The following HDAC9 variants were observed in gnomAD, a reference collection of about 807,000 sequenced individuals.
HDAC9 encodes the protein MEF-2 interacting transcription repressor (MITR) protein.
HDAC9 carries 41 observed loss-of-function variants against 139.4 expected under a neutral mutation model. The ratio of observed to expected loss-of-function variants is 0.29; its 90% CI spans 0.23 to 0.38. HDAC9 has a LOEUF of 0.38. Ranked by LOEUF, HDAC9 falls within the 10% of genes least tolerant of loss-of-function variation. HDAC9 has a pLI of 1.00. For missense variants in HDAC9, 1,147 were observed against 1,297.0 expected (o/e 0.88, Z 1.78); for synonymous variants, 517 against 476.2 (o/e 1.09, Z -1.12).
intron 6 of HDAC9, among the ~76,000 whole-genome samples, chr7:18,611,194 C>T (rs1837026523): frequency 6.6e-6 from 1 of 152,030 alleles, no homozygotes; most frequent in South Asian, 2.1e-4. Flanking sequence ...TGATGTTTAA[C>T]CTACTTTAGA....
chr7:18,252,075 C>T (rs184514920), intron 2 of HDAC9, among the ~76,000 whole-genome samples: 1 of 152,152 alleles, frequency 6.6e-6, no homozygotes, highest in African/African-American at 2.4e-5. Context: ...GAGCATGCAG[C>T]ATTTACTGTC....
chr7:18,242,960 AGTGCTCTACTTCTGGAAAAACAAATATT>A (rs1360174213), intron 2 of HDAC9, among the ~76,000 whole-genome samples: 3 of 152,216 alleles, frequency 2.0e-5, no homozygotes, highest in Non-Finnish European at 4.4e-5. Context: ...ATAGATACTG[AGTGCTCTACTTCTGGAAAAACAAATATT>A]TTGTTTTAGC....
intron 21 of HDAC9, among the ~76,000 whole-genome samples, chr7:18,838,596 A>G (rs547206095): frequency 1.3e-3 from 201 of 152,218 alleles, no homozygotes; most frequent in Middle Eastern, 6.8e-3. Flanking sequence ...CTCCTTTGTC[A>G]ATTTGGGCTT....
At chr7:18,953,129 A>G (rs1427728482) in intron 23 of HDAC9, among the ~76,000 whole-genome samples, 1 of 152,048 alleles carries the variant, frequency 6.6e-6, no homozygotes, top group Non-Finnish European at 1.5e-5. Flanking sequence ...AGAGACATAG[A>G]TGAGTTCATG....
chr7:18,342,014 G>C (rs1782051765), intron 1 of HDAC9, among the ~76,000 whole-genome samples: 1 of 151,774 alleles, frequency 6.6e-6, no homozygotes, highest in African/African-American at 2.4e-5. Flanking sequence ...TGATCAAAGA[G>C]GCTTTCCTCT....
chr7:18,555,088 C>G (rs896335817), intron 2 of HDAC9, among the ~76,000 whole-genome samples: 1 of 152,098 alleles, frequency 6.6e-6, no homozygotes, highest in African/African-American at 2.4e-5. Context: ...TTTTTGACAT[C>G]AAATTAAAAT....
rs78676185 is a variant in HDAC9 at position 18,449,398 on chromosome 7, A to G, written c.-41-46864A>G. Among the ~76,000 whole-genome samples the G allele has an allele frequency of 2.6e-3, 394 of 152,312 alleles. 4 individuals are homozygous for G. The highest frequency in any genetic ancestry group is 8.8e-3 in the African/African-American group (365 of 41,586). ...GTGCCTACTATATGACTCAATTTTT[A>G]TAAAGTTAAAAATATGGTCAAAACT... On this transcript the variant is annotated intron_variant, in intron 1 of 3. Transcript: ENST00000413509.
At chr7:18,789,135 T>C (rs1792075549) in intron 16 of HDAC9, among the ~76,000 whole-genome samples, 1 of 152,052 alleles carries the variant, frequency 6.6e-6, no homozygotes, top group Non-Finnish European at 1.5e-5. Context: ...TGGGAAAATA[T>C]CATCTCTCAC....
chr7:18,886,291 G>A (rs1800145828), intron 22 of HDAC9, among the ~76,000 whole-genome samples: 1 of 152,068 alleles, frequency 6.6e-6, no homozygotes, highest in South Asian at 2.1e-4. Flanking sequence ...ACAATCCTTA[G>A]GCTAGGATGA....
At chr7:18,403,515 T>C (rs892599605) in intron 1 of HDAC9, among the ~76,000 whole-genome samples, 2 of 152,242 alleles carry the variant, frequency 1.3e-5, no homozygotes, top group Non-Finnish European at 2.9e-5. Context: ...TATTTGGTTG[T>C]AGCATCAGAG....
chr7:18,798,950 C>G (rs1330840230), intron 17 of HDAC9, among the ~76,000 whole-genome samples: 4 of 151,774 alleles, frequency 2.6e-5, no homozygotes, highest in African/African-American at 4.8e-5. Context: ...GCTCTTATGT[C>G]AAACTGATTT....
At chr7:18,975,262 C>A (rs1784480411) in intron 24 of HDAC9, among the ~76,000 whole-genome samples, 1 of 152,142 alleles carries the variant, frequency 6.6e-6, no homozygotes, top group Non-Finnish European at 1.5e-5. Context: ...TAGTACACAC[C>A]CTGAGGTTGA....
intron 1 of HDAC9, among the ~76,000 whole-genome samples, chr7:18,341,234 TTGTG>T (rs1781984586): frequency 6.8e-6 from 1 of 146,204 alleles, no homozygotes; most frequent in African/African-American, 2.5e-5. Flanking sequence ...GTGTGTGTGT[TTGTG>T]TGTGCACACA....
chr7:18,599,740 G>A (rs60500951), intron 6 of HDAC9, among the ~76,000 whole-genome samples: 4,323 of 152,204 alleles, frequency 0.028, 148 homozygotes, highest in African/African-American at 0.079. Flanking sequence ...TGAATAAGCT[G>A]CTATAAGCAT....
chr7:18,501,617 T>C (rs1163697078), intron 2 of HDAC9, among the ~76,000 whole-genome samples: 2 of 152,176 alleles, frequency 1.3e-5, no homozygotes, highest in African/African-American at 4.8e-5. Context: ...TATGTTCTTA[T>C]TTTTATAATT....
intron 1 of HDAC9, among the ~76,000 whole-genome samples, chr7:18,135,570 G>A (rs1205599531): frequency 2.3e-5 from 3 of 131,118 alleles, no homozygotes; most frequent in Non-Finnish European, 4.8e-5. Flanking sequence ...TTTTGTTCTT[G>A]CGATAGTTTA....
chr7:18,889,322 T>G (rs978521454), intron 22 of HDAC9, among the ~76,000 whole-genome samples: 1 of 152,178 alleles, frequency 6.6e-6, no homozygotes, highest in African/African-American at 2.4e-5. Context: ...TCATGCTCTA[T>G]CACTTCTTTG....
At chr7:18,854,665 GAAA>G (rs959006124) in intron 21 of HDAC9, among the ~76,000 whole-genome samples, 3 of 151,178 alleles carry the variant, frequency 2.0e-5, no homozygotes, top group African/African-American at 4.9e-5. Flanking sequence ...GATGCTAAAA[GAAA>G]AAAATACTGA....
At chr7:18,256,807 G>A (rs779172695) in intron 2 of HDAC9, among the ~76,000 whole-genome samples, 4 of 152,078 alleles carry the variant, frequency 2.6e-5, no homozygotes, top group Non-Finnish European at 5.9e-5. Context: ...CATAAATGTG[G>A]CTGGGCACAG....
Sources: allele counts gnomAD v4.1 joint callset (sites outside exome capture counted in the v4.1 genomes callset), GRCh38; gene constraint gnomAD v4.1.1; transcripts MANE v1.5; gene names NCBI Gene and HGNC (gene_info 2026-07-23, HGNC 2026-07-21).